ZNF605: variants seen among roughly 807,000 people sequenced by gnomAD.
ZNF605 encodes zinc finger protein 605.
Under a neutral mutation model 7.9 loss-of-function variants are expected in ZNF605, and 9 were observed. That is an observed-to-expected ratio of 1.14 (90% CI 0.68 to 1.98). The LOEUF is 1.98. Among genes scored for constraint, ZNF605 ranks in the 30% most tolerant of loss-of-function variants. The pLI is 0.00. For synonymous variants in ZNF605, 255 were observed against 260.1 expected, an observed-to-expected ratio of 0.98 and a Z score of 0.19; for missense variants, 673 against 762.4, an observed-to-expected ratio of 0.88 and a Z score of 1.38.
intron 3 of ZNF605, among the ~76,000 whole-genome samples, chr12:132,942,850 C>T (rs1222272124): frequency 1.3e-5 from 2 of 152,178 alleles, no homozygotes; most frequent in African/African-American, 2.4e-5. Flanking sequence ...TGGCAACTGC[C>T]GAGGTGACTG....
In ZNF605 at chr12:132,923,514, C is replaced by T. The variant is rs1952220917; in HGVS notation, c.*1859G>A. ...TTCATTAAGGAATTTAGAGATAATA[C>T]TCCATTGTCTTATAGCTTGCATAGT... On this transcript the variant is annotated 3_prime_UTR_variant, in exon 5 of 5. Transcript: ENST00000360187. 1 of 152,178 alleles carries T rather than the reference C, an allele frequency of 6.6e-6. No homozygotes were observed. The highest frequency in any genetic ancestry group is 2.1e-4 in the South Asian group (1 of 4,836). 9.4% of individuals were successfully genotyped at this position (152,178 alleles called of 1,614,324 possible). A position where few individuals can be genotyped will look rare whatever the true frequency, so the allele number is the denominator to read the frequency against.
At chr12:132,951,214 A>C (rs1216914912) in intron 1 of ZNF605, among the ~76,000 whole-genome samples, 2 of 152,050 alleles carry the variant, frequency 1.3e-5, no homozygotes, top group Admixed American at 6.5e-5. Flanking sequence ...ACACACTGAT[A>C]CACATGTACA....
chr12:132,951,669 TAC>T lies in ZNF605; in HGVS notation c.-285-3401_-285-3400del, dbSNP rs774281401. On this transcript the variant is annotated intron_variant, in intron 1 of 4. Transcript: ENST00000360187. ...ATGCACACGTACATCCCACATAACA[TAC>T]ACAGACATGCACAAACTCAGATATA... is the stretch of plus-strand genomic sequence containing the variant. Among the ~76,000 whole-genome samples the T allele has an allele frequency of 6.7e-4, 92 of 137,538 alleles. 3 individuals carry two copies. The Middle Eastern group carries it at 0.01, about 15-fold the overall frequency. 90.2% of individuals were successfully genotyped at this position (137,538 alleles called of 152,430 possible). A position where few individuals can be genotyped will look rare whatever the true frequency, so the allele number is the denominator to read the frequency against.
rs938844621 is a variant in ZNF605 at position 132,943,820 on chromosome 12, G to A, written c.15+1801C>T. Among the ~76,000 whole-genome samples, 6 of 152,188 alleles carry A rather than the reference G, an allele frequency of 3.9e-5. No homozygotes were observed. In the East Asian group the frequency reaches 7.7e-4, roughly 20 times the overall value. On this transcript the variant is annotated intron_variant, in intron 3 of 4. Transcript: ENST00000360187. ...TTGTCAGAAGCATTAGAACCAAAGC[G>A]ACTCCATCTTGAGTGAGGGCGAGGG...
intron 4 of ZNF605, among the ~76,000 whole-genome samples, chr12:132,927,682 G>T (rs1315113741): frequency 5.5e-4 from 79 of 144,658 alleles, no homozygotes; most frequent in African/African-American, 1.9e-3. Flanking sequence ...TTTTTAGAGG[G>T]AGTCTCACTC....
chr12:132,936,246 T>A (rs929170668), intron 3 of ZNF605, among the ~76,000 whole-genome samples: 32 of 151,688 alleles, frequency 2.1e-4, no homozygotes, highest in African/African-American at 7.7e-4. Context: ...AAATATAACT[T>A]CTAGAGATAA....
chr12:132,935,540 A>G lies in ZNF605; in HGVS notation c.16-2385T>C, dbSNP rs1414783406. 2.0e-5 allele frequency among the ~76,000 whole-genome samples: 3 copies of G among 151,912 alleles called. No homozygotes were observed. The East Asian group carries it at 5.8e-4, about 29-fold the overall frequency. Reference sequence around the variant, plus strand: ...AGAGAAAGAGATCAAAATAATTCTCACAAATAAAGATTCAAGAAAAATGAG... The same window carrying G: ...AGAGAAAGAGATCAAAATAATTCTCGCAAATAAAGATTCAAGAAAAATGAG... On this transcript the variant is annotated intron_variant, in intron 3 of 4. Coordinates refer to ENST00000360187, the MANE Select transcript of ZNF605 (RefSeq NM_183238.4).
chr12:132,934,203 T>A (rs11147171), intron 3 of ZNF605, among the ~76,000 whole-genome samples: 1 of 151,136 alleles, frequency 6.6e-6, no homozygotes, highest in African/African-American at 2.4e-5. Context: ...CACTTGAACC[T>A]GGGAGGTGGA....
chr12:132,934,847 T>C (rs1452531037), intron 3 of ZNF605, among the ~76,000 whole-genome samples: 2 of 151,770 alleles, frequency 1.3e-5, no homozygotes, highest in African/African-American at 4.8e-5. Flanking sequence ...TTACAGAATA[T>C]AGAGACAAAA....
rs778633547 is a variant in ZNF605, at chr12:132,925,405, G to A, written c.1894C>T (p.Leu632Phe). The change falls in exon 5 of 5, where the codon CTT (leucine) becomes TTT (phenylalanine). Residue 632 changes from leucine to phenylalanine, a missense_variant. Transcript: ENST00000360187. ...ATATGATTTCTCTGATGTATCATAAGCTGCGACTTCCTGTTGAAGGTGGTC... is the reference window on the plus strand; with the variant it reads ...ATATGATTTCTCTGATGTATCATAAACTGCGACTTCCTGTTGAAGGTGGTC... The part of the protein sequence containing the change: ...CGTTFNRKSQ[L>F]MIHQRNHII 11 of 1,604,736 alleles carry A rather than the reference G, an allele frequency of 6.9e-6. No individual in the cohort carries two copies. The African/African-American group carries it at 1.3e-4, about 20-fold the overall frequency.
rs929139708 is a variant in ZNF605, at chr12:132,935,785, C to T, written c.16-2630G>A. Reference sequence around the variant, plus strand: ...GTGGGCGCCTGTAGTCCCAGCTACTCGGGAGGCTGAGGCAGGAGAATGGCG... The same window carrying T: ...GTGGGCGCCTGTAGTCCCAGCTACTTGGGAGGCTGAGGCAGGAGAATGGCG... On this transcript the variant is annotated intron_variant, in intron 3 of 4. Transcript: ENST00000360187. Among the ~76,000 whole-genome samples, 533 of 150,892 alleles carry T rather than the reference C, an allele frequency of 3.5e-3. 4 individuals carry two copies. Among genetic ancestry groups the T allele is most frequent in the African/African-American group, 0.012 (507 of 41,004 alleles).
In ZNF605 at chr12:132,920,460, T is replaced by C. The variant is rs1952195766; in HGVS notation, c.*4913A>G. 1 of 152,190 alleles carries C rather than the reference T, an allele frequency of 6.6e-6. No homozygotes were observed. The highest frequency in any genetic ancestry group is 1.5e-5 in the Non-Finnish European group (1 of 68,054). 9.4% of individuals were successfully genotyped at this position (152,190 alleles called of 1,614,324 possible). A position where few individuals can be genotyped will look rare whatever the true frequency, so the allele number is the denominator to read the frequency against. On this transcript the variant is annotated 3_prime_UTR_variant, in exon 5 of 5. Coordinates refer to ENST00000360187, the MANE Select transcript of ZNF605 (RefSeq NM_183238.4). ...GGCCTGGTTTATTTAATGTTAGCATTCTGACAAGATGTTAAATGACCCGGA... is the reference window on the plus strand; with the variant it reads ...GGCCTGGTTTATTTAATGTTAGCATCCTGACAAGATGTTAAATGACCCGGA...
At chr12:132,954,412 GATGAGAAGGATGGGGGA>G (rs1952610817) in intron 1 of ZNF605, among the ~76,000 whole-genome samples, 2 of 1,184 alleles carry the variant, frequency 1.7e-3, no homozygotes, top group Non-Finnish European at 3.5e-3. Flanking sequence ...GTGGGGAGGG[GATGAGAAGGATGGGGGA>G]GGAGAAGGGT....
intron 1 of ZNF605, among the ~76,000 whole-genome samples, chr12:132,956,025 C>G (rs371478918): frequency 1.3e-5 from 2 of 150,672 alleles, no homozygotes; most frequent in Admixed American, 6.6e-5. Context: ...GCCTCCCACC[C>G]CCGCGCGCCC....
chr12:132,951,545 CAT>C (rs1332298852), intron 1 of ZNF605, among the ~76,000 whole-genome samples: 15 of 151,228 alleles, frequency 9.9e-5, no homozygotes, highest in Non-Finnish European at 1.6e-4. Flanking sequence ...CACACACACA[CAT>C]ACACACACTG....
intron 1 of ZNF605, among the ~76,000 whole-genome samples, chr12:132,952,915 G>C (rs1180941190): frequency 6.6e-6 from 1 of 151,492 alleles, no homozygotes; most frequent in Non-Finnish European, 1.5e-5. Flanking sequence ...CCACCAACAC[G>C]GCCCTGCCAA....
rs1952323679 is a variant in ZNF605, at chr12:132,933,141, A to C, written c.30T>G (p.Asp10Glu). The C allele has an allele frequency of 6.2e-7, 1 of 1,609,630 alleles. No homozygotes were observed. Among genetic ancestry groups the C allele is most frequent in the Non-Finnish European group, 8.5e-7 (1 of 1,177,506 alleles). Residue 10 changes from aspartate (D) to glutamate (E), a missense_variant, in exon 4 of 5, where the codon GAT (aspartate) becomes GAG (glutamate). Coordinates refer to ENST00000360187, the MANE Select transcript of ZNF605 (RefSeq NM_183238.4). This position sits in a 1 kb window ranked among gnomAD's most constrained non-coding sequence, Gnocchi z 4.4. The stretch of plus-strand genomic sequence containing the variant: ...CCTCCAGCGTGAAATCCACAGCCAC[A>C]TCCTCAAATGATATCTGGAAAAGCA... Reference protein sequence around the residue: MIQSQISFEDVAVDFTLEEW... With the variant: MIQSQISFEEVAVDFTLEEW...
At position 132,926,307 on chromosome 12, in the gene ZNF605, T is replaced by G; in HGVS notation, c.992A>C (p.His331Pro). The change falls in exon 5 of 5, where the codon CAC becomes CCC. Residue 331 changes from histidine to proline, a missense_variant. Coordinates refer to ENST00000360187, the MANE Select transcript of ZNF605 (RefSeq NM_183238.4). ...ACATCCGTAAGGTTTCTTCCCTGTG[T>G]GGGTCCTCTGATGAGTAATCAGCTG... ...KSQLITHQRT[H>P]TGKKPYGCGE... 6.2e-7 allele frequency: 1 copy of G among 1,614,168 alleles called. No homozygotes were observed. The highest frequency in any genetic ancestry group is 8.5e-7 in the Non-Finnish European group (1 of 1,180,026).
At chr12:132,929,703 T>C (rs1952286547) in intron 4 of ZNF605, among the ~76,000 whole-genome samples, 4 of 152,006 alleles carry the variant, frequency 2.6e-5, no homozygotes, top group Admixed American at 2.6e-4. Flanking sequence ...TCCCAGCACT[T>C]TGGGAGGCCG....
Sources: allele counts gnomAD v4.1 joint callset (sites outside exome capture counted in the v4.1 genomes callset), GRCh38; gene constraint gnomAD v4.1.1; non-coding constraint Gnocchi (gnomAD v3.1); transcripts MANE v1.5; gene names NCBI Gene and HGNC (gene_info 2026-07-23, HGNC 2026-07-21).